Variants in AAMDC observed in about 807,000 individuals in gnomAD.
The protein encoded by AAMDC is adipogenesis associated Mth938 domain containing, also known as mth938 domain-containing protein.
A neutral mutation model predicts 15.5 loss-of-function variants in AAMDC; 16 were observed. The ratio of observed to expected loss-of-function variants is 1.03; its 90% CI spans 0.70 to 1.57. The LOEUF is 1.57. AAMDC is among the 40% of genes most tolerant of loss of function. The pLI is 0.00. For missense variants in AAMDC, 141 were observed against 144.9 expected, an observed-to-expected ratio of 0.97 and a Z score of 0.14; for synonymous variants, 51 against 51.6, an observed-to-expected ratio of 0.99 and a Z score of 0.05.
At chr11:77,836,274 A>T (rs928149766) in intron 1 of AAMDC, among the ~76,000 whole-genome samples, 5 of 152,024 alleles carry the variant, frequency 3.3e-5, no homozygotes, top group Non-Finnish European at 7.4e-5. Context: ...AACCCCAAAA[A>T]CGACTGTAGT....
At chr11:77,891,428 G>C in intron 5 of AAMDC, 3 of 1,613,598 alleles carry the variant, frequency 1.9e-6, no homozygotes, top group Non-Finnish European at 2.5e-6. Flanking sequence ...TGACTCGCCC[G>C]CTGGCTCGAT....
At chr11:77,883,151 G>A (rs1463354489) in intron 5 of AAMDC, among the ~76,000 whole-genome samples, 1 of 151,852 alleles carries the variant, frequency 6.6e-6, no homozygotes, top group Non-Finnish European at 1.5e-5. Context: ...ATTCCAAAAG[G>A]CATTCCCTAT....
downstream of AAMDC, chr11:77,901,602 G>A: frequency 7.2e-7 from 1 of 1,390,856 alleles, no homozygotes; most frequent in Middle Eastern, 1.8e-4. Flanking sequence ...AGTCTTACTT[G>A]AGAGCAGCAT....
At chr11:77,823,777 G>A (rs1315042583) in intron 1 of AAMDC, among the ~76,000 whole-genome samples, 2 of 152,032 alleles carry the variant, frequency 1.3e-5, no homozygotes, top group South Asian at 4.1e-4. Context: ...GTATCTTTGT[G>A]AAGGAATTTC....
At chr11:77,843,885 G>A (rs12280983) in intron 2 of AAMDC, among the ~76,000 whole-genome samples, 1,543 of 152,240 alleles carry the variant, frequency 0.01, 24 homozygotes, top group African/African-American at 0.033. Flanking sequence ...AGCAAGTCAC[G>A]TCTTACATGG....
chr11:77,885,737 T>C (rs1379749006), intron 5 of AAMDC, among the ~76,000 whole-genome samples: 1 of 152,040 alleles, frequency 6.6e-6, no homozygotes, highest in Non-Finnish European at 1.5e-5. Flanking sequence ...GAGAATCACT[T>C]GAACCTGGGA....
In AAMDC at chr11:77,842,507, C is replaced by A; in HGVS notation, c.11C>A (p.Pro4His). 1.2e-6 allele frequency: 2 copies of A among 1,613,580 alleles called. No individual in the cohort carries two copies. The highest frequency in any genetic ancestry group is 2.2e-5 in the East Asian group (1 of 44,862). Residue 4 changes from proline to histidine, a missense_variant, in exon 2 of 4, where the codon CCT (proline) becomes CAT (histidine). Coordinates refer to ENST00000393427, the MANE Select transcript of AAMDC (RefSeq NM_024684.4). MTS[P>H]EIASLSWGQM... ...TCAGTGAAGTTCCTTATGACTTCCC[C>A]TGAAATTGCTTCCTTATCATGGGGG...
At chr11:77,896,358 A>G (rs997601530) in intron 5 of AAMDC, among the ~76,000 whole-genome samples, 1 of 152,232 alleles carries the variant, frequency 6.6e-6, no homozygotes, top group African/African-American at 2.4e-5. Flanking sequence ...AAAGCATATT[A>G]AAGAATTTAC....
chr11:77,869,980 G>A (rs1461038744), intron 3 of AAMDC, 163 bp downstream of exon 3: 24 of 574,910 alleles, frequency 4.2e-5, no homozygotes, highest in Non-Finnish European at 5.9e-5. Flanking sequence ...CCTCATCAGC[G>A]TTGGGCTCTC....
chr11:77,834,976 A>AT (rs1416113047), intron 1 of AAMDC, among the ~76,000 whole-genome samples: 1 of 152,194 alleles, frequency 6.6e-6, no homozygotes, highest in Non-Finnish European at 1.5e-5. Flanking sequence ...GGGTATCCAT[A>AT]TTTTTATAAA....
intron 5 of AAMDC, among the ~76,000 whole-genome samples, chr11:77,882,218 T>C (rs1235464601): frequency 6.6e-6 from 1 of 152,186 alleles, no homozygotes; most frequent in African/African-American, 2.4e-5. Context: ...TGTGATCTTG[T>C]ATAAGTTAAA....
chr11:77,884,677 G>A, intron 5 of AAMDC: 1 of 218,712 alleles, frequency 4.6e-6, no homozygotes, highest in South Asian at 5.7e-5. Flanking sequence ...ACTGCGGAAG[G>A]CATGTCTCAC....
At chr11:77,821,275 C>T (rs768798269) in intron 1 of AAMDC, 34 bp downstream of exon 1, 15 of 211,418 alleles carry the variant, frequency 7.1e-5, no homozygotes, top group Non-Finnish European at 1.2e-4. Context: ...AACTGGGCCA[C>T]GAGATGGTGG....
At chr11:77,829,487 T>C (rs1949324164) in intron 1 of AAMDC, among the ~76,000 whole-genome samples, 1 of 152,182 alleles carries the variant, frequency 6.6e-6, no homozygotes, top group South Asian at 2.1e-4. Flanking sequence ...AAAATAAACA[T>C]ACCAAGACCA....
chr11:77,843,238 C>G (rs1014200392), intron 2 of AAMDC, among the ~76,000 whole-genome samples: 2 of 152,144 alleles, frequency 1.3e-5, no homozygotes, highest in African/African-American at 4.8e-5. Context: ...AAGTGTTGTT[C>G]TCATTGCGGT....
chr11:77,899,432 G>A (rs1168359902), intron 5 of AAMDC, among the ~76,000 whole-genome samples: 1 of 152,162 alleles, frequency 6.6e-6, no homozygotes, highest in Admixed American at 6.5e-5. Flanking sequence ...AGCACTCTGG[G>A]AGGCCGAGTC....
chr11:77,887,743 T>A (rs1003871705), intron 5 of AAMDC, among the ~76,000 whole-genome samples: 1 of 152,150 alleles, frequency 6.6e-6, no homozygotes, highest in African/African-American at 2.4e-5. Flanking sequence ...ACAAAATCAA[T>A]GTGCAAAAAT....
intron 1 of AAMDC, among the ~76,000 whole-genome samples, chr11:77,831,335 C>T (rs1949415980): frequency 6.6e-6 from 1 of 152,168 alleles, no homozygotes; most frequent in Admixed American, 6.5e-5. Flanking sequence ...CCAGCAGTTC[C>T]TTTCCTAGCT....
chr11:77,825,943 C>T (rs1025712006), intron 1 of AAMDC, among the ~76,000 whole-genome samples: 5 of 152,118 alleles, frequency 3.3e-5, no homozygotes, highest in South Asian at 2.1e-4. Context: ...CTGCTCACCT[C>T]GGCCTCCCAA....
Sources: gnomAD v4.1 joint callset for allele counts (sites outside exome capture counted in the v4.1 genomes callset) on GRCh38, gnomAD v4.1.1 for gene constraint, MANE v1.5 for transcripts, NCBI Gene and HGNC (gene_info 2026-07-23, HGNC 2026-07-21) for gene names.